Variants in ICA1L observed in about 807,000 individuals in gnomAD.
ICA1L encodes islet cell autoantigen 1 like, also known as islet cell autoantigen 1-like protein.
In ICA1L, 50 loss-of-function variants were observed where a neutral mutation model predicts 61.3. The observed-to-expected ratio is 0.82, with a 90% CI of 0.65 to 1.03. The LOEUF is 1.03. Among genes scored for constraint, ICA1L ranks in the 50% least tolerant of loss-of-function variants. The pLI is 0.00. For synonymous variants in ICA1L, 161 were observed against 191.3 expected, an observed-to-expected ratio of 0.84 and a Z score of 1.31; for missense variants, 508 against 556.7, an observed-to-expected ratio of 0.91 and a Z score of 0.88.
chr2:202,839,555 AGTCTGTGTGT>A (rs1252364316), intron 1 of ICA1L, among the ~76,000 whole-genome samples: 4 of 73,786 alleles, frequency 5.4e-5, no homozygotes, highest in African/African-American at 1.5e-4. Context: ...CATACAGTTA[AGTCTGTGTGT>A]GTGTGTGTGT....
intron 7 of ICA1L, 60 bp from the exon 8 acceptor site, chr2:202,814,844 A>G (rs1324742736): frequency 9.8e-6 from 11 of 1,119,528 alleles, no homozygotes; most frequent in Non-Finnish European, 1.3e-5. Context: ...CTTCTCTGCA[A>G]AGAAAATGAG....
rs755015399 is a variant in ICA1L, at chr2:202,793,494, T to TAAAA, written c.985+3392_985+3395dup. ...CAACATGGCAATATCCCGTCTCTAC[T>TAAAA]AAAAAAAAAAAAAAAAAAAAAAAAA... On this transcript the variant is annotated intron_variant, in intron 10 of 12. Coordinates refer to ENST00000358299, the MANE Select transcript of ICA1L (RefSeq NM_001288622.3). Among the ~76,000 whole-genome samples the TAAAA allele has an allele frequency of 9.6e-4, 30 of 31,346 alleles. 2 individuals carry two copies. Among genetic ancestry groups the TAAAA allele is most frequent in the East Asian group, 7.0e-3 (4 of 572 alleles). The allele number at this position is 31,346 out of a possible 152,430, so 20.6% of individuals were successfully genotyped here.
chr2:202,866,741 T>C (rs372111696), intron 1 of ICA1L, among the ~76,000 whole-genome samples: 8 of 151,626 alleles, frequency 5.3e-5, no homozygotes, highest in African/African-American at 1.5e-4. Context: ...AGGTCAGGAG[T>C]TCGAGACCAG....
At chr2:202,821,931 G>A (rs886761836) in intron 3 of ICA1L, among the ~76,000 whole-genome samples, 3 of 152,154 alleles carry the variant, frequency 2.0e-5, no homozygotes, top group African/African-American at 7.2e-5. Flanking sequence ...CAGACTCACA[G>A]ATGTCCACAG....
At chr2:202,854,785 T>C (rs945284345) in intron 1 of ICA1L, among the ~76,000 whole-genome samples, 2 of 152,162 alleles carry the variant, frequency 1.3e-5, no homozygotes, top group African/African-American at 4.8e-5. Flanking sequence ...CCCAGCACTT[T>C]GGGAGGCCAT....
rs1236446391 is a variant in ICA1L at position 202,841,000 on chromosome 2, C to T, written c.-7-11984G>A. On this transcript the variant is annotated intron_variant, in intron 1 of 12. Transcript: ENST00000358299. ...TCCTCATACTGCGCCTTGACCTCAG[C>T]GATGATGCTGTCCATGTCCAGGGAG... 16 of 671,270 alleles carry T rather than the reference C, an allele frequency of 2.4e-5. No individual in the cohort carries two copies. The East Asian group carries it at 3.9e-4, about 16-fold the overall frequency. 41.6% of individuals were successfully genotyped at this position (671,270 alleles called of 1,614,324 possible). A position where few individuals can be genotyped will look rare whatever the true frequency, so the allele number is the denominator to read the frequency against.
At chr2:202,844,822 A>C (rs749160191) in intron 1 of ICA1L, among the ~76,000 whole-genome samples, 3 of 152,238 alleles carry the variant, frequency 2.0e-5, no homozygotes, top group Non-Finnish European at 2.9e-5. Flanking sequence ...TTAGTAACTT[A>C]CAACAAAATT....
chr2:202,862,404 G>C (rs1559151808), intron 1 of ICA1L, among the ~76,000 whole-genome samples: 1 of 151,544 alleles, frequency 6.6e-6, no homozygotes, highest in Non-Finnish European at 1.5e-5. Flanking sequence ...CAGGGAGTGA[G>C]CAATGATCAT....
intron 1 of ICA1L, chr2:202,870,931 T>C (rs1245042677): frequency 6.6e-6 from 1 of 152,190 alleles, no homozygotes; most frequent in African/African-American, 2.4e-5. Flanking sequence ...TGACATCACC[T>C]GGGCACCTGA....
chr2:202,864,627 A>ATGTGTGTGTG (rs566451955), intron 1 of ICA1L, among the ~76,000 whole-genome samples: 12 of 150,286 alleles, frequency 8.0e-5, no homozygotes, highest in East Asian at 1.9e-4. Context: ...GTATATATAT[A>ATGTGTGTGTG]TGTGTGTGTG....
intron 9 of ICA1L, among the ~76,000 whole-genome samples, chr2:202,810,080 G>T (rs556126169): frequency 6.6e-6 from 1 of 152,098 alleles, no homozygotes; most frequent in East Asian, 1.9e-4. Context: ...ATAAAGAAAA[G>T]ATCCTAAAAG....
intron 8 of ICA1L, among the ~76,000 whole-genome samples, chr2:202,813,307 CTA>C (rs1166967116): frequency 2.0e-5 from 3 of 149,848 alleles, no homozygotes; most frequent in East Asian, 3.9e-4. Flanking sequence ...TAATTTATAA[CTA>C]GACATTTTAT....
chr2:202,834,899 T>C (rs1015225184), intron 1 of ICA1L, among the ~76,000 whole-genome samples: 1 of 152,094 alleles, frequency 6.6e-6, no homozygotes, highest in Admixed American at 6.6e-5. Context: ...GGCACAATCA[T>C]AGCTCACTGC....
chr2:202,812,580 CA>C (rs200962087), intron 8 of ICA1L, among the ~76,000 whole-genome samples: 54 of 138,036 alleles, frequency 3.9e-4, no homozygotes, highest in Admixed American at 5.8e-4. Flanking sequence ...CCGTCTCAAA[CA>C]AAAAAAAAAA....
At chr2:202,848,690 T>C (rs761923352) in intron 1 of ICA1L, among the ~76,000 whole-genome samples, 33 of 152,240 alleles carry the variant, frequency 2.2e-4, no homozygotes, top group Non-Finnish European at 4.6e-4. Context: ...AGTTGTATTA[T>C]TGTAATAAGA....
At chr2:202,791,714 C>T (rs890659319) in intron 10 of ICA1L, among the ~76,000 whole-genome samples, 3 of 151,568 alleles carry the variant, frequency 2.0e-5, no homozygotes, top group Admixed American at 6.6e-5. Flanking sequence ...GGCGTGGTGG[C>T]GCATGCCTGT....
chr2:202,785,624 A>C (rs1692556421), intron 12 of ICA1L, among the ~76,000 whole-genome samples: 1 of 151,946 alleles, frequency 6.6e-6, no homozygotes, highest in African/African-American at 2.4e-5. Context: ...TTGGGGTTTC[A>C]CCATGTTGCC....
intron 9 of ICA1L, among the ~76,000 whole-genome samples, chr2:202,797,733 G>A (rs1436133388): frequency 2.0e-5 from 3 of 152,134 alleles, no homozygotes; most frequent in Non-Finnish European, 4.4e-5. Flanking sequence ...TGTTGGCCAG[G>A]CTGATCTTGA....
intron 9 of ICA1L, among the ~76,000 whole-genome samples, chr2:202,809,461 C>T (rs1430170058): frequency 6.6e-6 from 1 of 152,048 alleles, no homozygotes; most frequent in Non-Finnish European, 1.5e-5. Context: ...CTAGCCTGGG[C>T]AGCATGGAGA....
Sources: allele counts gnomAD v4.1 joint callset (sites outside exome capture counted in the v4.1 genomes callset), GRCh38; gene constraint gnomAD v4.1.1; transcripts MANE v1.5; gene names NCBI Gene and HGNC (gene_info 2026-07-23, HGNC 2026-07-21).